Variants in DOCK5 observed in about 807,000 individuals in gnomAD.
The protein encoded by DOCK5 is dedicator of cytokinesis protein 5.
Under a neutral mutation model 251.8 loss-of-function variants are expected in DOCK5, and 142 were observed. The ratio of observed to expected loss-of-function variants is 0.56; its 90% confidence interval spans 0.49 to 0.65. The LOEUF is 0.65. Among genes scored for constraint, DOCK5 ranks in the 30% least tolerant of loss-of-function variants. The probability of loss-of-function intolerance (pLI) is 0.00; values close to 1 mark genes in which losing one functional copy is unlikely to be tolerated. For missense variants in DOCK5, 2,111 were observed against 2,312.3 expected (o/e 0.91, Z 1.79); for synonymous variants, 842 against 835.5 (o/e 1.01, Z -0.13).
chr8:25,207,279 A>G (rs1214245511), intron 1 of DOCK5, among the ~76,000 whole-genome samples: 1 of 152,226 alleles, frequency 6.6e-6, no homozygotes, highest in Non-Finnish European at 1.5e-5. Context: ...GCAAGTGCTG[A>G]TATAGAAGCT....
intron 11 of DOCK5, among the ~76,000 whole-genome samples, 195 bp from the exon 12 acceptor site, chr8:25,308,588 C>T (rs1202619555): frequency 6.6e-6 from 1 of 152,084 alleles, no homozygotes; most frequent in Non-Finnish European, 1.5e-5. Context: ...TCCCTCTTTG[C>T]CTCAAGTCAT....
intron 4 of DOCK5, 52 bp downstream of exon 4, chr8:25,275,493 T>C (rs1804024849): frequency 7.9e-6 from 12 of 1,523,090 alleles, no homozygotes; most frequent in Non-Finnish European, 1.1e-5. Flanking sequence ...TGTAACATTA[T>C]CATTAATGAT....
intron 1 of DOCK5, among the ~76,000 whole-genome samples, chr8:25,226,969 A>C (rs559682099): frequency 1.0e-3 from 152 of 152,254 alleles, no homozygotes; most frequent in African/African-American, 3.5e-3. Flanking sequence ...AAGGTGACTA[A>C]TTATCTGTGG....
At chr8:25,393,602 G>A (rs1036457395) in intron 44 of DOCK5, among the ~76,000 whole-genome samples, 3 of 152,088 alleles carry the variant, frequency 2.0e-5, no homozygotes, top group East Asian at 3.9e-4. Context: ...ACACTGGATC[G>A]TTTTCTCTGC....
intron 1 of DOCK5, among the ~76,000 whole-genome samples, chr8:25,220,698 G>A (rs1262551832): frequency 1.3e-5 from 2 of 152,128 alleles, no homozygotes; most frequent in Non-Finnish European, 1.5e-5. Flanking sequence ...TGCAACCTCC[G>A]CCTCTGGGGT....
intron 26 of DOCK5, among the ~76,000 whole-genome samples, chr8:25,345,884 CTG>C (rs1385198908): frequency 6.6e-6 from 1 of 152,036 alleles, no homozygotes; most frequent in Non-Finnish European, 1.5e-5. Context: ...GAGTCTCGCT[CTG>C]TCGCCCAGGC....
At chr8:25,409,249 G>A (rs1215651576) in intron 50 of DOCK5, among the ~76,000 whole-genome samples, 1 of 152,162 alleles carries the variant, frequency 6.6e-6, no homozygotes, top group Non-Finnish European at 1.5e-5. Flanking sequence ...CATTAGTTAG[G>A]TAGACCTGAA....
chr8:25,197,951 T>C (rs1035986829), intron 1 of DOCK5, among the ~76,000 whole-genome samples: 8 of 151,884 alleles, frequency 5.3e-5, no homozygotes, highest in Admixed American at 2.6e-4. Context: ...GGGGTTTCAC[T>C]GTGTTAGCCA....
Position 25,411,232 on chromosome 8 carries a change from A to G in DOCK5, c.5547A>G (p.Ala1849=), listed in dbSNP as rs1361571665. 2 of 1,591,764 alleles carry G rather than the reference A, an allele frequency of 1.3e-6. No individual in the cohort carries two copies. The change falls in exon 52 of 52, where the codon GCA becomes GCG. Residue 1849 remains alanine, a synonymous_variant. Transcript: ENST00000276440. ...PPLPVRREAK[A]PPPPPPKARK... ...TGCCTGTCCGAAGAGAAGCCAAAGC[A>G]CCACCCCCTCCACCTCCAAAGGCTC...
chr8:25,286,788 T>C (rs1311165851), intron 5 of DOCK5, among the ~76,000 whole-genome samples: 2 of 152,062 alleles, frequency 1.3e-5, no homozygotes, highest in Non-Finnish European at 2.9e-5. Flanking sequence ...CTCAGCCTCC[T>C]TGGTAGCTGG....
chr8:25,276,866 T>A (rs1002810032), intron 4 of DOCK5: 5 of 152,178 alleles, frequency 3.3e-5, no homozygotes, highest in Non-Finnish European at 7.3e-5. Context: ...AACAGCAGAA[T>A]TGATGAAACT....
chr8:25,194,559 C>T (rs567465232), intron 1 of DOCK5, among the ~76,000 whole-genome samples: 2 of 152,244 alleles, frequency 1.3e-5, no homozygotes, highest in South Asian at 2.1e-4. Context: ...TCTCATCCCC[C>T]GCCTTGGCTC....
chr8:25,279,957 G>C (rs1258220105), intron 5 of DOCK5, among the ~76,000 whole-genome samples: 1 of 152,010 alleles, frequency 6.6e-6, no homozygotes, highest in Non-Finnish European at 1.5e-5. Flanking sequence ...TAGAGATGGG[G>C]TTTTACCATG....
Position 25,399,618 on chromosome 8 carries a change from G to A in DOCK5, c.4705-293G>A, listed in dbSNP as rs146658721. On this transcript the variant is annotated intron_variant, in intron 45 of 51. Transcript: ENST00000276440. ...TGTTCTTTGGGAAAGTTATTTTAAC[G>A]AATGACGTTTTGCTTTGTTGATGAT... Among the ~76,000 whole-genome samples the A allele has an allele frequency of 2.3e-3, 353 of 152,222 alleles. 2 individuals are homozygous for A. The South Asian group carries it at 0.025, about 11-fold the overall frequency.
intron 1 of DOCK5, among the ~76,000 whole-genome samples, chr8:25,192,136 G>A (rs1445837544): frequency 6.6e-6 from 1 of 152,080 alleles, no homozygotes; most frequent in Non-Finnish European, 1.5e-5. Flanking sequence ...ATTCCATGGT[G>A]TATATGTACC....
chr8:25,293,429 A>G (rs1018311330), intron 6 of DOCK5, among the ~76,000 whole-genome samples: 1 of 152,224 alleles, frequency 6.6e-6, no homozygotes, highest in Non-Finnish European at 1.5e-5. Flanking sequence ...TTTCATATAC[A>G]TTACTTGATT....
chr8:25,367,045 A>G, intron 31 of DOCK5, 75 bp downstream of exon 31: 2 of 1,319,086 alleles, frequency 1.5e-6, no homozygotes, highest in South Asian at 2.5e-5. Context: ...TATTTTAGGT[A>G]TCACAGAAAT....
chr8:25,367,802 C>T (rs1298184747), intron 31 of DOCK5, among the ~76,000 whole-genome samples: 2 of 152,174 alleles, frequency 1.3e-5, no homozygotes, highest in African/African-American at 2.4e-5. Flanking sequence ...CAATATCAGT[C>T]TATAAAGTAT....
chr8:25,285,431 C>T lies in DOCK5; in HGVS notation c.322-6593C>T, dbSNP rs370802653. On this transcript the variant is annotated intron_variant, in intron 5 of 51. Coordinates refer to ENST00000276440, the MANE Select transcript of DOCK5 (RefSeq NM_024940.8). ...AAAGTGCTGGGATACAGGTGTGAGC[C>T]ACTATGCCCAGCCAATCAAGTGAAT... 1.7e-4 allele frequency among the ~76,000 whole-genome samples: 26 copies of T among 152,290 alleles called. No individual in the cohort carries two copies. In the South Asian group the frequency reaches 5.4e-3, roughly 32 times the overall value.
Sources: gnomAD v4.1 joint callset for allele counts (sites outside exome capture counted in the v4.1 genomes callset) on GRCh38, gnomAD v4.1.1 for gene constraint, MANE v1.5 for transcripts, NCBI Gene and HGNC (gene_info 2026-07-23, HGNC 2026-07-21) for gene names.